EYS: variants seen among roughly 807,000 people sequenced by gnomAD.
EYS encodes the protein protein eyes shut homolog.
In EYS, 250 loss-of-function variants were observed where a neutral mutation model predicts 282.1. The observed-to-expected ratio is 0.89, with a 90% CI of 0.80 to 0.98. EYS has a LOEUF of 0.98. EYS is among the 50% of genes least tolerant of loss of function. The pLI is 0.00. For missense variants in EYS, 4,016 were observed against 3,709.0 expected (o/e 1.08, Z -2.15); for synonymous variants, 1,355 against 1,282.9 (o/e 1.06, Z -1.20).
chr6:64,181,641 C>G (rs982525059), intron 31 of EYS, among the ~76,000 whole-genome samples: 3 of 152,056 alleles, frequency 2.0e-5, no homozygotes, highest in African/African-American at 7.2e-5. Flanking sequence ...CATTAGATTA[C>G]TTAATTATCA....
intron 31 of EYS, among the ~76,000 whole-genome samples, chr6:64,214,540 C>T (rs1765873771): frequency 6.6e-6 from 1 of 152,008 alleles, no homozygotes. Context: ...TGCAATTATT[C>T]ATGACAATGC....
intron 29 of EYS, among the ~76,000 whole-genome samples, chr6:64,329,616 G>A (rs1371911807): frequency 1.3e-5 from 2 of 152,002 alleles, no homozygotes; most frequent in Non-Finnish European, 2.9e-5. Flanking sequence ...ACTGCTGTGG[G>A]GCACTTACCC....
At chr6:65,354,633 G>A (rs1478927907) in intron 8 of EYS, among the ~76,000 whole-genome samples, 4 of 151,914 alleles carry the variant, frequency 2.6e-5, no homozygotes, top group African/African-American at 9.7e-5. Flanking sequence ...CTGGCTAACA[G>A]GGTGAAACCC....
intron 15 of EYS, among the ~76,000 whole-genome samples, chr6:64,944,859 C>T (rs555826999): frequency 6.6e-6 from 1 of 150,876 alleles, no homozygotes; most frequent in Non-Finnish European, 1.5e-5. Context: ...ACTCCACTGA[C>T]ATGTTTGGGT....
At chr6:64,295,767 A>C (rs1768955717) in intron 30 of EYS, among the ~76,000 whole-genome samples, 1 of 151,616 alleles carries the variant, frequency 6.6e-6, no homozygotes, top group South Asian at 2.1e-4. Flanking sequence ...CACTCCAAAG[A>C]AAACAGCTAA....
intron 33 of EYS, among the ~76,000 whole-genome samples, chr6:64,006,759 G>A (rs1768367043): frequency 6.6e-6 from 1 of 152,072 alleles, no homozygotes; most frequent in Non-Finnish European, 1.5e-5. Flanking sequence ...ATAATCACGT[G>A]GTTTTTGTCT....
intron 30 of EYS, among the ~76,000 whole-genome samples, chr6:64,239,720 TGA>T (rs1766733797): frequency 6.6e-6 from 1 of 152,302 alleles, no homozygotes; most frequent in African/African-American, 2.4e-5. Flanking sequence ...TTCACTCTGA[TGA>T]GAGTTTCTTT....
At chr6:65,401,131 A>C (rs1294551066) in intron 7 of EYS, among the ~76,000 whole-genome samples, 1 of 151,956 alleles carries the variant, frequency 6.6e-6, no homozygotes, top group Non-Finnish European at 1.5e-5. Flanking sequence ...GACCTAGGAA[A>C]ACATACCTCA....
At chr6:65,436,944 G>T (rs1768095001) in intron 5 of EYS, among the ~76,000 whole-genome samples, 1 of 152,012 alleles carries the variant, frequency 6.6e-6, no homozygotes, top group Admixed American at 6.6e-5. Flanking sequence ...GAATGGCCAA[G>T]ACAATTCTGT....
At chr6:65,310,475 C>T (rs1769127035) in intron 11 of EYS, among the ~76,000 whole-genome samples, 1 of 152,080 alleles carries the variant, frequency 6.6e-6, no homozygotes, top group African/African-American at 2.4e-5. Context: ...CCCTCCCTCA[C>T]ACACTATGCC....
intron 12 of EYS, among the ~76,000 whole-genome samples, chr6:65,250,689 T>C (rs1767297169): frequency 6.6e-6 from 1 of 151,864 alleles, no homozygotes; most frequent in South Asian, 2.1e-4. Context: ...ATTCTCATAA[T>C]GAAAAACTTC....
At chr6:63,789,981 G>T (rs114122334) in intron 37 of EYS, among the ~76,000 whole-genome samples, 3 of 152,308 alleles carry the variant, frequency 2.0e-5, no homozygotes, top group Non-Finnish European at 4.4e-5. Flanking sequence ...TCTGTTCACA[G>T]GAAGCAGAGA....
chr6:63,931,652 T>C (rs1421478418), intron 35 of EYS, among the ~76,000 whole-genome samples: 1 of 152,208 alleles, frequency 6.6e-6, no homozygotes, highest in Non-Finnish European at 1.5e-5. Flanking sequence ...TTGGCACACA[T>C]AATAACTGTA....
At chr6:65,130,290 G>A (rs1001455336) in intron 12 of EYS, among the ~76,000 whole-genome samples, 1 of 151,854 alleles carries the variant, frequency 6.6e-6, no homozygotes, top group South Asian at 2.1e-4. Flanking sequence ...ATCTGCACAT[G>A]TACTCTCTGA....
chr6:64,146,096 G>C (rs1774511204), intron 31 of EYS, among the ~76,000 whole-genome samples: 6 of 151,952 alleles, frequency 3.9e-5, no homozygotes, highest in Admixed American at 3.9e-4. Context: ...CCACAACTGT[G>C]GGGACCTACT....
At chr6:63,854,925 A>G (rs901215844) in intron 36 of EYS, among the ~76,000 whole-genome samples, 1 of 152,158 alleles carries the variant, frequency 6.6e-6, no homozygotes, top group Non-Finnish European at 1.5e-5. Flanking sequence ...ACCTCATGAA[A>G]CCCACAAAAA....
At chr6:64,096,845 C>T (rs1182467439) in intron 31 of EYS, among the ~76,000 whole-genome samples, 1 of 152,156 alleles carries the variant, frequency 6.6e-6, no homozygotes, top group Non-Finnish European at 1.5e-5. Flanking sequence ...TTAGAGTTTC[C>T]AGTTTTTCTG....
At chr6:63,846,806 C>G (rs1410185269) in intron 36 of EYS, among the ~76,000 whole-genome samples, 1 of 152,090 alleles carries the variant, frequency 6.6e-6, no homozygotes, top group Non-Finnish European at 1.5e-5. Flanking sequence ...AACAAGAGAA[C>G]TACAAATAGA....
At chr6:65,252,528 G>A (rs1466159209) in intron 12 of EYS, among the ~76,000 whole-genome samples, 1 of 151,874 alleles carries the variant, frequency 6.6e-6, no homozygotes, top group Non-Finnish European at 1.5e-5. Flanking sequence ...ATAAGATCCA[G>A]CGTCTCATAT....
Sources: allele counts gnomAD v4.1 joint callset (sites outside exome capture counted in the v4.1 genomes callset), GRCh38; gene constraint gnomAD v4.1.1; transcripts MANE v1.5; gene names NCBI Gene and HGNC (gene_info 2026-07-23, HGNC 2026-07-21).